The following DLG2 variants were observed in gnomAD, a reference collection of about 807,000 sequenced individuals.
DLG2 encodes disks large homolog 2.
Under a neutral mutation model 132.5 loss-of-function variants are expected in DLG2, and 45 were observed. The observed-to-expected ratio is 0.34, with a 90% CI of 0.27 to 0.44. DLG2 has a LOEUF of 0.44. Among genes scored for constraint, DLG2 ranks in the 20% least tolerant of loss-of-function variants. DLG2 has a pLI of 1.00. For missense variants in DLG2, 1,045 were observed against 1,196.9 expected, an observed-to-expected ratio of 0.87 and a Z score of 1.87; for synonymous variants, 424 against 419.6, an observed-to-expected ratio of 1.01 and a Z score of -0.13.
At chr11:85,495,899 G>A (rs1339230231) in intron 3 of DLG2, among the ~76,000 whole-genome samples, 2 of 152,132 alleles carry the variant, frequency 1.3e-5, no homozygotes, top group Non-Finnish European at 2.9e-5. Flanking sequence ...TCAGTGATAG[G>A]CTGCATAAAG....
intron 7 of DLG2, among the ~76,000 whole-genome samples, chr11:84,430,570 A>C (rs1462349780): frequency 2.0e-5 from 3 of 152,186 alleles, no homozygotes; most frequent in Non-Finnish European, 4.4e-5. Flanking sequence ...AAACTGCTTA[A>C]TAGTCATTCC....
At chr11:83,776,017 A>G (rs375441930) in intron 18 of DLG2, among the ~76,000 whole-genome samples, 245 of 152,252 alleles carry the variant, frequency 1.6e-3, no homozygotes, top group South Asian at 2.9e-3. Flanking sequence ...GTGTGAACCC[A>G]GGAGGTGGAG....
chr11:84,245,997 G>A (rs2097297835), intron 8 of DLG2, among the ~76,000 whole-genome samples: 1 of 152,124 alleles, frequency 6.6e-6, no homozygotes, highest in Non-Finnish European at 1.5e-5. Flanking sequence ...TGTGTCACGG[G>A]CTTGATTTCT....
At chr11:85,301,633 T>C (rs929420711) in intron 3 of DLG2, among the ~76,000 whole-genome samples, 1 of 152,196 alleles carries the variant, frequency 6.6e-6, no homozygotes, top group Non-Finnish European at 1.5e-5. Context: ...CTAAGGTGGC[T>C]TCTCCAAGAA....
intron 6 of DLG2, among the ~76,000 whole-genome samples, chr11:84,927,422 G>C (rs1231084889): frequency 6.6e-6 from 1 of 152,026 alleles, no homozygotes; most frequent in Non-Finnish European, 1.5e-5. Flanking sequence ...GAATTTCTGA[G>C]GGTGGGAATC....
chr11:84,383,248 G>T (rs1387573570), intron 7 of DLG2, among the ~76,000 whole-genome samples: 2 of 151,424 alleles, frequency 1.3e-5, no homozygotes, highest in East Asian at 1.9e-4. Context: ...TTAGCACGGC[G>T]TCCATTCCCC....
At chr11:83,847,364 T>A (rs962828728) in intron 16 of DLG2, among the ~76,000 whole-genome samples, 10 of 152,346 alleles carry the variant, frequency 6.6e-5, no homozygotes, top group Admixed American at 5.9e-4. Context: ...AAAGATTTTT[T>A]AAAATGTCTT....
chr11:84,859,409 T>C (rs1600005080), intron 6 of DLG2, among the ~76,000 whole-genome samples: 1 of 145,318 alleles, frequency 6.9e-6, no homozygotes, highest in Non-Finnish European at 1.5e-5. Context: ...TATATATACA[T>C]ATATATGTAT....
intron 7 of DLG2, among the ~76,000 whole-genome samples, chr11:84,311,009 C>A (rs1036470748): frequency 6.6e-6 from 1 of 152,116 alleles, no homozygotes; most frequent in African/African-American, 2.4e-5. Context: ...TAAATACAAG[C>A]TTATGGGAAT....
At chr11:83,926,640 T>C (rs1405218353) in intron 15 of DLG2, among the ~76,000 whole-genome samples, 2 of 152,140 alleles carry the variant, frequency 1.3e-5, no homozygotes, top group East Asian at 3.8e-4. Flanking sequence ...AGAATATTTA[T>C]ATTTAACCAT....
At chr11:84,786,566 C>A (rs1399259382) in intron 6 of DLG2, among the ~76,000 whole-genome samples, 1 of 152,162 alleles carries the variant, frequency 6.6e-6, no homozygotes, top group Admixed American at 6.6e-5. Flanking sequence ...CTCTGTTCCG[C>A]CTTCCGTCCA....
intron 7 of DLG2, chr11:84,273,012 A>T: frequency 1.5e-6 from 1 of 664,778 alleles, no homozygotes; most frequent in Non-Finnish European, 2.2e-6. Context: ...CCATATATTT[A>T]GCCTGAATGA....
intron 6 of DLG2, among the ~76,000 whole-genome samples, chr11:85,098,267 A>G (rs1197598102): frequency 6.6e-6 from 1 of 152,130 alleles, no homozygotes; most frequent in East Asian, 1.9e-4. Context: ...GAAGAATAAA[A>G]CCTAAGTACC....
intron 6 of DLG2, among the ~76,000 whole-genome samples, chr11:84,684,937 C>A (rs904475709): frequency 1.3e-5 from 2 of 152,156 alleles, no homozygotes; most frequent in African/African-American, 4.8e-5. Flanking sequence ...AGAGGAAGAA[C>A]ATATAAGATT....
chr11:84,496,731 T>G (rs2099185364), intron 7 of DLG2, among the ~76,000 whole-genome samples: 1 of 152,176 alleles, frequency 6.6e-6, no homozygotes, highest in Non-Finnish European at 1.5e-5. Flanking sequence ...TTCCAAAGCA[T>G]TTTTATTTAT....
chr11:84,355,334 T>C (rs1179377628), intron 7 of DLG2, among the ~76,000 whole-genome samples: 1 of 152,018 alleles, frequency 6.6e-6, no homozygotes. Context: ...TATGTTGAAA[T>C]CCTAACCACC....
chr11:85,276,440 G>A (rs185714017), intron 4 of DLG2, among the ~76,000 whole-genome samples: 5 of 152,120 alleles, frequency 3.3e-5, no homozygotes, highest in South Asian at 2.1e-4. Context: ...CATTCTCTCC[G>A]GTCTCCATAA....
chr11:83,637,663 G>T (rs904889490), intron 18 of DLG2, among the ~76,000 whole-genome samples: 2 of 152,142 alleles, frequency 1.3e-5, no homozygotes, highest in African/African-American at 4.8e-5. Context: ...TATAAGGCTT[G>T]TTTAGAATGC....
chr11:85,191,610 C>T (rs1299863052), intron 4 of DLG2, among the ~76,000 whole-genome samples: 2 of 152,180 alleles, frequency 1.3e-5, no homozygotes, highest in Admixed American at 1.3e-4. Context: ...TACAGGGAAC[C>T]TTTGGAGTAT....
Sources: allele counts gnomAD v4.1 joint callset (sites outside exome capture counted in the v4.1 genomes callset), GRCh38; gene constraint gnomAD v4.1.1; transcripts MANE v1.5; gene names NCBI Gene and HGNC (gene_info 2026-07-23, HGNC 2026-07-21).